PEAK1: variants seen among roughly 807,000 people sequenced by gnomAD.
PEAK1 encodes the protein pseudopodium enriched atypical kinase 1.
Under a neutral mutation model 124.7 loss-of-function variants are expected in PEAK1, and 54 were observed. The ratio of observed to expected loss-of-function variants is 0.43; its 90% CI spans 0.35 to 0.54. The LOEUF (loss-of-function observed/expected upper bound fraction) is 0.54, where lower values mean the gene tolerates loss of function less well. Ranked by LOEUF, PEAK1 falls within the 20% of genes least tolerant of loss-of-function variation. The pLI is 0.01. For missense variants in PEAK1, 2,046 were observed against 2,134.5 expected (o/e 0.96, Z 0.82); for synonymous variants, 719 against 760.0 (o/e 0.95, Z 0.89).
chr15:77,351,526 G>C (rs1197207344), intron 2 of PEAK1, among the ~76,000 whole-genome samples: 1 of 152,128 alleles, frequency 6.6e-6, no homozygotes, highest in Non-Finnish European at 1.5e-5. Context: ...CATTTACATA[G>C]GGCGTACCCC....
rs115567874 is a variant in PEAK1, at chr15:77,365,072, T to C, written c.-603+91A>G. 243 of 285,616 alleles carry C rather than the reference T, an allele frequency of 8.5e-4. 2 individuals carry two copies. The highest frequency in any genetic ancestry group is 5.3e-3 in the African/African-American group (234 of 43,868). The allele number at this position is 285,616 out of a possible 1,614,324, so 17.7% of individuals were successfully genotyped here. A position where few individuals can be genotyped will look rare whatever the true frequency, so the allele number is the denominator to read the frequency against. Reference sequence around the variant, plus strand: ...CTATTAAAACACTCAGAGGAAAAGATATTTGATATTGCCTTAAATTTTTTC... The same window carrying C: ...CTATTAAAACACTCAGAGGAAAAGACATTTGATATTGCCTTAAATTTTTTC... On this transcript the variant is annotated intron_variant, in intron 2 of 9. Coordinates refer to ENST00000682557, the MANE Select transcript of PEAK1 (RefSeq NM_001385026.1).
intron 2 of PEAK1, among the ~76,000 whole-genome samples, 180 bp downstream of exon 2, chr15:77,364,983 A>G (rs942183541): frequency 5.3e-5 from 8 of 152,186 alleles, no homozygotes; most frequent in African/African-American, 1.9e-4. Flanking sequence ...AGTTTCATTT[A>G]TTTCAAATGT....
chr15:77,298,505 A>ACCACG, intron 2 of PEAK1, among the ~76,000 whole-genome samples: 1 of 152,082 alleles, frequency 6.6e-6, no homozygotes, highest in Non-Finnish European at 1.5e-5. Flanking sequence ...GGCGTGAGCC[A>ACCACG]CCACGCCCGG....
At chr15:77,336,562 C>T in intron 2 of PEAK1, 7 of 985,338 alleles carry the variant, frequency 7.1e-6, no homozygotes, top group Non-Finnish European at 8.4e-6. Flanking sequence ...AATCCTCATG[C>T]ACTGCTCAAA....
intron 6 of PEAK1, among the ~76,000 whole-genome samples, chr15:77,184,586 T>C (rs1417936430): frequency 1.3e-5 from 2 of 152,200 alleles, no homozygotes; most frequent in Non-Finnish European, 2.9e-5. Flanking sequence ...ACTGCATACA[T>C]TTGTCAAAAC....
intron 1 of PEAK1, among the ~76,000 whole-genome samples, chr15:77,407,882 G>GATAT (rs71145822): frequency 1.6e-4 from 23 of 146,426 alleles, no homozygotes; most frequent in African/African-American, 4.5e-4. Context: ...GATAAAGCAT[G>GATAT]ATATATATAT....
intron 1 of PEAK1, among the ~76,000 whole-genome samples, chr15:77,395,337 T>C (rs1432541349): frequency 6.6e-6 from 1 of 151,656 alleles, no homozygotes; most frequent in Non-Finnish European, 1.5e-5. Context: ...AATCCAAGAG[T>C]TATTGCGCTT....
chr15:77,277,152 A>G (rs141544049), intron 5 of PEAK1, among the ~76,000 whole-genome samples: 2 of 152,352 alleles, frequency 1.3e-5, no homozygotes, highest in African/African-American at 4.8e-5. Context: ...AGCAATAAAT[A>G]GGAATGATTC....
chr15:77,166,580 TC>T (rs1381433655), intron 7 of PEAK1, among the ~76,000 whole-genome samples: 1 of 152,194 alleles, frequency 6.6e-6, no homozygotes, highest in African/African-American at 2.4e-5. Flanking sequence ...GGGAATCCCA[TC>T]CCCCTTTAAG....
chr15:77,305,444 T>C (rs1035353305), intron 2 of PEAK1, among the ~76,000 whole-genome samples: 5 of 152,078 alleles, frequency 3.3e-5, no homozygotes, highest in Non-Finnish European at 7.4e-5. Flanking sequence ...GGAACAAAAT[T>C]GGCCAGAGGC....
intron 1 of PEAK1, among the ~76,000 whole-genome samples, chr15:77,391,825 C>G (rs2070485439): frequency 6.6e-6 from 1 of 152,192 alleles, no homozygotes; most frequent in African/African-American, 2.4e-5. Context: ...CTAAAGAGTT[C>G]TCTCTTTAAC....
chr15:77,413,246 ATTCTTTTATAC>A (rs1365926916), intron 1 of PEAK1, among the ~76,000 whole-genome samples: 1 of 152,214 alleles, frequency 6.6e-6, no homozygotes, highest in African/African-American at 2.4e-5. Flanking sequence ...ATGTCCACAA[ATTCTTTTATAC>A]TTCTCCCTCC....
At chr15:77,358,226 T>C (rs903720773) in intron 2 of PEAK1, among the ~76,000 whole-genome samples, 1 of 152,182 alleles carries the variant, frequency 6.6e-6, no homozygotes, top group African/African-American at 2.4e-5. Flanking sequence ...TACCTCTGTA[T>C]ATATGCATGT....
chr15:77,395,066 AAT>A (rs1364746014), intron 1 of PEAK1, among the ~76,000 whole-genome samples: 1 of 152,206 alleles, frequency 6.6e-6, no homozygotes, highest in African/African-American at 2.4e-5. Flanking sequence ...ATCAAGATAA[AAT>A]AGAGGATGAA....
At chr15:77,249,204 G>A (rs185633155) in intron 6 of PEAK1, among the ~76,000 whole-genome samples, 1 of 152,040 alleles carries the variant, frequency 6.6e-6, no homozygotes, top group East Asian at 1.9e-4. Context: ...CCTAAATGAA[G>A]GCATTGTAAA....
At chr15:77,212,864 C>T (rs11853625) in intron 6 of PEAK1, among the ~76,000 whole-genome samples, 33,662 of 152,070 alleles carry the variant, frequency 0.22, 4,213 homozygotes, top group Middle Eastern at 0.3. Context: ...TACAAAACCC[C>T]AGCTTGAGAT....
chr15:77,219,561 A>C (rs1182332149), intron 6 of PEAK1, among the ~76,000 whole-genome samples: 1 of 152,152 alleles, frequency 6.6e-6, no homozygotes, highest in Admixed American at 6.6e-5. Context: ...ATTAAAAATC[A>C]ACCTTATATC....
chr15:77,388,792 A>G (rs2070182568), intron 1 of PEAK1, among the ~76,000 whole-genome samples: 1 of 133,718 alleles, frequency 7.5e-6, no homozygotes, highest in Admixed American at 8.0e-5. Flanking sequence ...TCTCCAAGTT[A>G]AAACTTCACA....
chr15:77,393,802 TACAG>T (rs1191222471), intron 1 of PEAK1, among the ~76,000 whole-genome samples: 21 of 152,342 alleles, frequency 1.4e-4, no homozygotes, highest in Middle Eastern at 3.4e-3. Context: ...CACAGTGGAA[TACAG>T]CACCAAGGGG....
Sources: allele counts gnomAD v4.1 joint callset (sites outside exome capture counted in the v4.1 genomes callset), GRCh38; gene constraint gnomAD v4.1.1; transcripts MANE v1.5; gene names NCBI Gene and HGNC (gene_info 2026-07-23, HGNC 2026-07-21).